Variants in ZNF607 observed in about 807,000 individuals in gnomAD.
The protein encoded by ZNF607 is zinc finger protein 607.
ZNF607 carries 5 observed loss-of-function variants against 12.8 expected under a neutral mutation model. The observed-to-expected ratio is 0.39, with a 90% CI of 0.20 to 0.82. The LOEUF (loss-of-function observed/expected upper bound fraction) is 0.82. ZNF607 is among the 40% of genes least tolerant of loss of function. The pLI, the probability that ZNF607 is intolerant of heterozygous loss-of-function variation, is 0.39. For synonymous variants in ZNF607, 287 were observed against 276.2 expected (o/e 1.04, Z -0.39); for missense variants, 851 against 859.2 (o/e 0.99, Z 0.12).
Position 37,698,626 on chromosome 19 carries a change from T to C in ZNF607, c.1505A>G (p.Glu502Gly). ...ACATTCCTTACATTCATAAGGTTTC[T>C]CACCAGTATGAACTCTGCGATGTAT... ...LTIHRRVHTGEKPYECKECGK... is the reference protein window; with the variant it reads ...LTIHRRVHTGGKPYECKECGK... Residue 502 changes from glutamate (E) to glycine (G), a missense_variant, in exon 5 of 5, where the codon GAG becomes GGG. Glu to Gly is a moderately conservative substitution (Grantham distance 98). Coordinates refer to ENST00000355202, the MANE Select transcript of ZNF607 (RefSeq NM_032689.5). 3 of 1,614,102 alleles carry C rather than the reference T, an allele frequency of 1.9e-6. No homozygotes were observed. Among genetic ancestry groups the C allele is most frequent in the Non-Finnish European group, 2.5e-6 (3 of 1,179,984 alleles).
chr19:37,712,708 T>C (rs145467367), intron 1 of ZNF607, among the ~76,000 whole-genome samples: 74 of 152,340 alleles, frequency 4.9e-4, no homozygotes, highest in African/African-American at 1.7e-3. Flanking sequence ...TTATTAATAC[T>C]TCCTTCACGA....
At position 37,698,939 on chromosome 19, in the gene ZNF607, A is replaced by G. The variant is rs1276556260; in HGVS notation, c.1192T>C (p.Cys398Arg). The G allele has an allele frequency of 1.2e-6, 2 of 1,613,926 alleles. No homozygotes were observed. Among genetic ancestry groups the G allele is most frequent in the African/African-American group, 1.3e-5 (1 of 74,888 alleles). The change falls in exon 5 of 5, where the codon TGT becomes CGT. Residue 398 changes from cysteine to arginine, a missense_variant. Physicochemically the swap from Cys to Arg is radical, Grantham distance 180. Transcript: ENST00000355202. The part of the protein sequence containing the change: ...SGKKPYECNK[C>R]GKSFRLNSSL... ...GAATTGAGCCTAAAGGACTTCCCAC[A>G]TTTGTTACATTCATAGGGTTTCTTA...
At chr19:37,710,538 G>A (rs1280005392) in intron 2 of ZNF607, among the ~76,000 whole-genome samples, 1 of 151,946 alleles carries the variant, frequency 6.6e-6, no homozygotes, top group Non-Finnish European at 1.5e-5. Context: ...CAGCAGAAGA[G>A]CAATATAACC....
rs796405922 is a variant in ZNF607, at chr19:37,714,364, GCAA to G, written c.-74-2675_-74-2673del. Among the ~76,000 whole-genome samples the G allele has an allele frequency of 5.9e-3, 882 of 149,190 alleles. 11 individuals are homozygous for G. Among genetic ancestry groups the G allele is most frequent in the African/African-American group, 0.02 (802 of 39,978 alleles). Reference sequence around the variant, plus strand: ...AACAGCAGCAGCAGCAGCAGCAGCAGCAACAACAAACATACTCACCCTGTCTCC... The same window carrying G: ...AACAGCAGCAGCAGCAGCAGCAGCAGCAACAAACATACTCACCCTGTCTCC... On this transcript the variant is annotated intron_variant, in intron 1 of 4. Transcript: ENST00000355202.
At position 37,702,698 on chromosome 19, in the gene ZNF607, C is replaced by T. The variant is rs754553626; in HGVS notation, c.236-2803G>A. Among the ~76,000 whole-genome samples, 13 of 152,010 alleles carry T rather than the reference C, an allele frequency of 8.6e-5. 1 individual carries two copies. The highest frequency in any genetic ancestry group is 1.5e-4 in the Non-Finnish European group (10 of 68,006). On this transcript the variant is annotated intron_variant, in intron 4 of 4. Transcript: ENST00000355202. ...TTTAATATGACTGTTAAAAGCAAAA[C>T]TAATAACACTGCCTAGTGAGGTTTA...
In ZNF607 at chr19:37,698,644, C is replaced by T. The variant is rs149751145; in HGVS notation, c.1487G>A (p.Arg496His). Reference sequence around the variant, plus strand: ...AGGTTTCTCACCAGTATGAACTCTGCGATGTATAGTGAGTTTATGGCTATA... The same window carrying T: ...AGGTTTCTCACCAGTATGAACTCTGTGATGTATAGTGAGTTTATGGCTATA... ...FSYSHKLTIHRRVHTGEKPYE... is the reference protein window; with the variant it reads ...FSYSHKLTIHHRVHTGEKPYE... The change falls in exon 5 of 5, where the codon CGC becomes CAC. Residue 496 changes from arginine (R) to histidine (H), a missense_variant. By Grantham distance (29) the Arg-to-His change is conservative. Transcript: ENST00000355202. The T allele has an allele frequency of 3.1e-4, 503 of 1,611,916 alleles. 1 individual carries two copies. The African/African-American group carries it at 3.8e-3, about 12-fold the overall frequency.
At position 37,697,013 on chromosome 19, in the gene ZNF607, C is replaced by G; in HGVS notation, c.*1027G>C. 1.4e-6 allele frequency: 1 copy of G among 721,476 alleles called. No individual in the cohort carries two copies. Among genetic ancestry groups the G allele is most frequent in the Non-Finnish European group, 2.6e-6 (1 of 390,766 alleles). The allele number at this position is 721,476 out of a possible 1,614,324, so 44.7% of individuals were successfully genotyped here. A position where few individuals can be genotyped will look rare whatever the true frequency, so the allele number is the denominator to read the frequency against. On this transcript the variant is annotated 3_prime_UTR_variant, in exon 5 of 5. Transcript: ENST00000355202. ...GTTCTCCAGCATCAAAGCGAGCCAC[C>G]AGTGACTTGAGGATCTCCGTGGTAA...
intron 4 of ZNF607, among the ~76,000 whole-genome samples, chr19:37,700,780 G>A (rs776060834): frequency 8.6e-5 from 13 of 151,826 alleles, no homozygotes; most frequent in Non-Finnish European, 1.3e-4. Flanking sequence ...GTTAGGAAAC[G>A]GAATAGTGTC....
In ZNF607 at chr19:37,699,032, A is replaced by G. The variant is rs748787881; in HGVS notation, c.1099T>C (p.Cys367Arg). The part of the protein sequence containing the change: ...TFESVEKPYK[C>R]EECGKAFSVH... ...CTAAAGGCTTTCCCACATTCCTCACACTTATAAGGTTTCTCAACACTTTCA... is the reference window on the plus strand; with the variant it reads ...CTAAAGGCTTTCCCACATTCCTCACGCTTATAAGGTTTCTCAACACTTTCA... Residue 367 changes from cysteine (C) to arginine (R), a missense_variant, in exon 5 of 5, where the codon TGT becomes CGT. Transcript: ENST00000355202. The G allele has an allele frequency of 1.9e-6, 3 of 1,614,000 alleles. No homozygotes were observed. Among genetic ancestry groups the G allele is most frequent in the South Asian group, 1.1e-5 (1 of 91,078 alleles).
intron 4 of ZNF607, 130 bp from the exon 5 acceptor site, chr19:37,700,025 G>A (rs965657347): frequency 4.4e-6 from 4 of 911,760 alleles, no homozygotes; most frequent in Non-Finnish European, 4.7e-6. Flanking sequence ...AAAATGAAAG[G>A]AGAGCTAAAA....
intron 2 of ZNF607, among the ~76,000 whole-genome samples, chr19:37,710,388 C>A (rs1293044055): frequency 7.3e-5 from 11 of 150,896 alleles, no homozygotes; most frequent in Non-Finnish European, 8.8e-5. Flanking sequence ...ATCCCTTGAG[C>A]CTAGAAGGCA....
chr19:37,699,118 T>C lies in ZNF607; in HGVS notation c.1013A>G (p.Glu338Gly), dbSNP rs756138688. 1 of 1,614,016 alleles carries C rather than the reference T, an allele frequency of 6.2e-7. No individual in the cohort carries two copies. Among genetic ancestry groups the C allele is most frequent in the African/African-American group, 1.3e-5 (1 of 74,912 alleles). The stretch of plus-strand genomic sequence containing the variant: ...AAAAGCCTCCCCATTTTCTTTACAT[T>C]CATAGTGTTTCTCCCCTGAATAAAT... ...QRIYSGEKHY[E>G]CKENGEAFSS... Residue 338 changes from glutamate (E) to glycine (G), a missense_variant, in exon 5 of 5, where the codon GAA becomes GGA. By Grantham distance (98) the Glu-to-Gly change is moderately conservative. Coordinates refer to ENST00000355202, the MANE Select transcript of ZNF607 (RefSeq NM_032689.5).
intron 4 of ZNF607, among the ~76,000 whole-genome samples, chr19:37,704,530 A>G (rs898812892): frequency 1.3e-5 from 2 of 152,228 alleles, no homozygotes; most frequent in Non-Finnish European, 2.9e-5. Context: ...GAAGAAATCA[A>G]GAAGGAAATT....
intron 1 of ZNF607, among the ~76,000 whole-genome samples, chr19:37,717,908 C>G (rs1324033198): frequency 6.6e-6 from 1 of 150,856 alleles, no homozygotes; most frequent in Non-Finnish European, 1.5e-5. Context: ...AACATTAGAT[C>G]ACAGCTATTT....
chr19:37,699,263 AGGC>A lies in ZNF607; in HGVS notation c.865_867del (p.Ala289del). ...CCCACAAGGTGGGAAAACTGACGAA[AGGC>A]CTTTCCACATTCCTTACATTCATGT... On this transcript the variant is annotated inframe_deletion, in exon 5 of 5. Transcript: ENST00000355202. 6.2e-7 allele frequency: 1 copy of A among 1,614,064 alleles called. No individual in the cohort carries two copies. The highest frequency in any genetic ancestry group is 1.7e-5 in the Admixed American group (1 of 60,000).
At chr19:37,715,566 T>C (rs908639188) in intron 1 of ZNF607, among the ~76,000 whole-genome samples, 4 of 150,132 alleles carry the variant, frequency 2.7e-5, no homozygotes, top group African/African-American at 9.8e-5. Flanking sequence ...GATCATGCCA[T>C]TGCACTCCAG....
At position 37,697,485 on chromosome 19, in the gene ZNF607, G is replaced by C; in HGVS notation, c.*555C>G. ...CATGTAATTCTAACAGCACTATACT[G>C]TAGGTACTACTATCATCATTTATAT... is the stretch of plus-strand genomic sequence containing the variant. On this transcript the variant is annotated 3_prime_UTR_variant, in exon 5 of 5. Transcript: ENST00000355202. 1.5e-6 allele frequency: 1 copy of C among 647,158 alleles called. No homozygotes were observed. The highest frequency in any genetic ancestry group is 2.1e-5 in the Admixed American group (1 of 47,074). 40.1% of individuals were successfully genotyped at this position (647,158 alleles called of 1,614,324 possible). A position where few individuals can be genotyped will look rare whatever the true frequency, so the allele number is the denominator to read the frequency against.
Position 37,698,013 on chromosome 19 carries a change from C to G in ZNF607, c.*27G>C. 3 of 1,537,024 alleles carry G rather than the reference C, an allele frequency of 2.0e-6. No homozygotes were observed. The highest frequency in any genetic ancestry group is 2.6e-6 in the Non-Finnish European group (3 of 1,149,398). ...CCATTGACACAATGTGCTTTCTTTA[C>G]TACCTGTATATGCCACAATTTCTCT... On this transcript the variant is annotated 3_prime_UTR_variant, in exon 5 of 5. Coordinates refer to ENST00000355202, the MANE Select transcript of ZNF607 (RefSeq NM_032689.5).
chr19:37,707,215 G>T (rs2045091991), intron 4 of ZNF607, among the ~76,000 whole-genome samples: 1 of 152,188 alleles, frequency 6.6e-6, no homozygotes, highest in African/African-American at 2.4e-5. Context: ...GAACAGGCCG[G>T]GTGAGATGGC....
Sources: gnomAD v4.1 joint callset for allele counts (sites outside exome capture counted in the v4.1 genomes callset) on GRCh38, gnomAD v4.1.1 for gene constraint, MANE v1.5 for transcripts, NCBI Gene and HGNC (gene_info 2026-07-23, HGNC 2026-07-21) for gene names.